The following TTC4 variants were observed in gnomAD, a reference collection of about 807,000 sequenced individuals.
TTC4 encodes tetratricopeptide repeat domain 4.
A neutral mutation model predicts 51.9 loss-of-function variants in TTC4; 36 were observed. The ratio of observed to expected loss-of-function variants is 0.69; its 90% CI spans 0.53 to 0.92. The LOEUF is 0.92. Ranked by LOEUF, TTC4 falls within the 40% of genes least tolerant of loss-of-function variation. TTC4 has a pLI of 0.00. For synonymous variants in TTC4, 144 were observed against 164.2 expected, an observed-to-expected ratio of 0.88 and a Z score of 0.94; for missense variants, 399 against 454.6, an observed-to-expected ratio of 0.88 and a Z score of 1.11.
chr1:54,717,766 T>G, intron 3 of TTC4, 113 bp downstream of exon 3: 1 of 999,652 alleles, frequency 1.0e-6, no homozygotes, highest in Non-Finnish European at 1.4e-6. Context: ...AAACCCAGAC[T>G]AAGGATAGTT....
intron 7 of TTC4, among the ~76,000 whole-genome samples, chr1:54,732,547 C>T (rs1434019005): frequency 6.6e-6 from 1 of 151,174 alleles, no homozygotes; most frequent in Non-Finnish European, 1.5e-5. Flanking sequence ...CAGCCTCCAG[C>T]CCCCAGGCTC....
chr1:54,740,188 A>G lies in TTC4; in HGVS notation c.1062-1223A>G, dbSNP rs530127381. Among the ~76,000 whole-genome samples the G allele has an allele frequency of 2.0e-5, 3 of 152,294 alleles. No homozygotes were observed. In the South Asian group the frequency reaches 6.2e-4, roughly 32 times the overall value. On this transcript the variant is annotated intron_variant, in intron 9 of 9. Transcript: ENST00000371281. ...ACCCCCTCCTCCCACTACCCAAAAA[A>G]ATTACAGAGTAATGTAAAGATTTGA...
chr1:54,721,463 A>G (rs1332482108), intron 4 of TTC4, among the ~76,000 whole-genome samples: 15 of 152,222 alleles, frequency 9.9e-5, no homozygotes, highest in Admixed American at 9.8e-4. Context: ...AATAAAAAAT[A>G]AAATTAATTA....
Position 54,722,759 on chromosome 1 carries a change from A to C in TTC4, c.554A>C (p.Lys185Thr). Residue 185 changes from lysine (K) to threonine (T), a missense_variant, in exon 5 of 10, where the codon AAG becomes ACG. By Grantham distance (78) the Lys-to-Thr change is moderately conservative. Coordinates refer to ENST00000371281, the MANE Select transcript of TTC4 (RefSeq NM_004623.5). ...GGACTGCAAATAGATGCCAAAGAGAAGAAGCTTCTGGAAATGAGGGCTAAA... is the reference window on the plus strand; with the variant it reads ...GGACTGCAAATAGATGCCAAAGAGACGAAGCTTCTGGAAATGAGGGCTAAA... Reference protein sequence around the residue: ...DEGLQIDAKEKKLLEMRAKAD... With the variant: ...DEGLQIDAKETKLLEMRAKAD... 6.2e-7 allele frequency: 1 copy of C among 1,613,310 alleles called. No homozygotes were observed. Among genetic ancestry groups the C allele is most frequent in the Non-Finnish European group, 8.5e-7 (1 of 1,179,576 alleles).
intron 5 of TTC4, among the ~76,000 whole-genome samples, chr1:54,727,238 G>A (rs1190053683): frequency 6.6e-6 from 1 of 152,120 alleles, no homozygotes; most frequent in Non-Finnish European, 1.5e-5. Context: ...CAACAAGTGT[G>A]CCAAGACCAT....
chr1:54,717,436 T>G (rs1645689512), intron 2 of TTC4, 56 bp from the exon 3 acceptor site: 32 of 1,402,904 alleles, frequency 2.3e-5, no homozygotes, highest in Non-Finnish European at 2.9e-5. Flanking sequence ...AGAATCTATT[T>G]TTAATGAGCC....
At chr1:54,729,833 G>A (rs1456309337) in intron 6 of TTC4, among the ~76,000 whole-genome samples, 1 of 151,104 alleles carries the variant, frequency 6.6e-6, no homozygotes, top group Non-Finnish European at 1.5e-5. Flanking sequence ...AAGCAATTCT[G>A]CTTCAGCCTC....
At chr1:54,717,369 C>A in intron 2 of TTC4, 123 bp from the exon 3 acceptor site, 1 of 850,556 alleles carries the variant, frequency 1.2e-6, no homozygotes, top group South Asian at 4.9e-5. Context: ...ATCGAGTTTC[C>A]TTTCCCTATT....
intron 4 of TTC4, 131 bp from the exon 5 acceptor site, chr1:54,722,544 A>G: frequency 1.5e-6 from 2 of 1,310,152 alleles, no homozygotes; most frequent in Non-Finnish European, 2.1e-6. Flanking sequence ...GGACTGCAGT[A>G]TAAGGGGCAT....
chr1:54,731,726 G>C lies in TTC4; in HGVS notation c.896+26G>C, dbSNP rs371636832. ...GTACTGACTTGCCCAGGAGCCCTCT[G>C]CTTTTGCTTGCATGCTGTCTCTGTT... On this transcript the variant is annotated intron_variant, in intron 7 of 9. Transcript: ENST00000371281. The C allele has an allele frequency of 1.0e-4, 167 of 1,600,964 alleles. No homozygotes were observed. In the African/African-American group the frequency reaches 2.1e-3, roughly 21 times the overall value.
chr1:54,717,499 C>A lies in TTC4; in HGVS notation c.237C>A (p.Ala79=). Residue 79 remains alanine, a synonymous_variant, in exon 3 of 10, where the codon GCC becomes GCA. Transcript: ENST00000371281. Reference sequence around the variant, plus strand: ...TTTTCCTCTTCTTTGCAGAACAGGCCAAGACCTATAAAGATGAGGGCAATG... The same window carrying A: ...TTTTCCTCTTCTTTGCAGAACAGGCAAAGACCTATAAAGATGAGGGCAATG... The part of the protein sequence containing the change: ...FDEERSPEEQ[A]KTYKDEGNDY... 1 of 1,584,118 alleles carries A rather than the reference C, an allele frequency of 6.3e-7. No homozygotes were observed. Among genetic ancestry groups the A allele is most frequent in the Non-Finnish European group, 8.6e-7 (1 of 1,168,764 alleles).
chr1:54,729,707 G>A (rs1247582812), intron 6 of TTC4, among the ~76,000 whole-genome samples: 1 of 151,254 alleles, frequency 6.6e-6, no homozygotes, highest in Non-Finnish European at 1.5e-5. Flanking sequence ...GAGAATATCT[G>A]CTGGGAGATT....
chr1:54,717,418 C>G, intron 2 of TTC4, 74 bp from the exon 3 acceptor site: 5 of 1,339,172 alleles, frequency 3.7e-6, no homozygotes, highest in Non-Finnish European at 4.9e-6. Context: ...TACATTATTA[C>G]ATGATTTAGA....
At chr1:54,726,466 CT>C (rs1645800897) in intron 5 of TTC4, among the ~76,000 whole-genome samples, 1 of 152,164 alleles carries the variant, frequency 6.6e-6, no homozygotes. Context: ...CTAAAAAACT[CT>C]TGGAACTAAG....
At chr1:54,731,447 GA>G in intron 6 of TTC4, 38 bp from the exon 7 acceptor site, 4 of 1,594,370 alleles carry the variant, frequency 2.5e-6, no homozygotes, top group South Asian at 1.1e-5. Context: ...CACACAATAA[GA>G]TGTGCATTAT....
In TTC4 at chr1:54,742,588, T is replaced by G. The variant is rs1263552930; in HGVS notation, c.*1075T>G. ...ATGTTTGCTGTAGTAAGCAGTGAGA[T>G]TTAGGGGTTGGTTGTTACTATAGCA... On this transcript the variant is annotated 3_prime_UTR_variant, in exon 10 of 10. Transcript: ENST00000371281. The G allele has an allele frequency of 1.3e-5, 2 of 152,196 alleles. No homozygotes were observed. Among genetic ancestry groups the G allele is most frequent in the African/African-American group, 4.8e-5 (2 of 41,434 alleles). 9.4% of individuals were successfully genotyped at this position (152,196 alleles called of 1,614,324 possible). A position where few individuals can be genotyped will look rare whatever the true frequency, so the allele number is the denominator to read the frequency against.
chr1:54,716,080 C>T (rs757997938), intron 1 of TTC4, 61 bp downstream of exon 1: 19 of 1,376,140 alleles, frequency 1.4e-5, no homozygotes, highest in Non-Finnish European at 1.8e-5. Flanking sequence ...GTGGGGCACC[C>T]GGGCTCTGGG....
Position 54,741,704 on chromosome 1 carries a change from T to G in TTC4, c.*191T>G. On this transcript the variant is annotated 3_prime_UTR_variant, in exon 10 of 10. Coordinates refer to ENST00000371281, the MANE Select transcript of TTC4 (RefSeq NM_004623.5). ...TGCAGCCTCTCTGGCTGGTCTTCAC[T>G]TTCCTCAGTTGATATAAAACTCTGG... is the stretch of plus-strand genomic sequence containing the variant. The G allele has an allele frequency of 1.7e-6, 1 of 599,706 alleles. No homozygotes were observed. The highest frequency in any genetic ancestry group is 3.0e-6 in the Non-Finnish European group (1 of 338,764). 37.1% of individuals were successfully genotyped at this position (599,706 alleles called of 1,614,324 possible). A position where few individuals can be genotyped will look rare whatever the true frequency, so the allele number is the denominator to read the frequency against.
rs760661385 is a variant in TTC4, at chr1:54,721,259, C to T, written c.469+19C>T. On this transcript the variant is annotated intron_variant, in intron 4 of 9. Coordinates refer to ENST00000371281, the MANE Select transcript of TTC4 (RefSeq NM_004623.5). ...ATAAGAGGTAAGTCTTGTGGAACTA[C>T]AGTATGACATTTAAAGCTTTGATAT... The T allele has an allele frequency of 1.2e-5, 19 of 1,610,362 alleles. 1 individual carries two copies. The highest frequency in any genetic ancestry group is 1.2e-4 in the Admixed American group (7 of 59,874).
Sources: allele counts gnomAD v4.1 joint callset (sites outside exome capture counted in the v4.1 genomes callset), GRCh38; gene constraint gnomAD v4.1.1; transcripts MANE v1.5; gene names NCBI Gene and HGNC (gene_info 2026-07-23, HGNC 2026-07-21).